NOP58: variants seen among roughly 807,000 people sequenced by gnomAD.
NOP58 encodes the protein NOP58 ribonucleoprotein.
Under a neutral mutation model 71.2 loss-of-function variants are expected in NOP58, and 44 were observed. The observed-to-expected ratio is 0.62, with a 90% confidence interval of 0.49 to 0.79. The LOEUF (loss-of-function observed/expected upper bound fraction) is 0.79, where lower values mean the gene tolerates loss of function less well. Among genes scored for constraint, NOP58 ranks in the 30% least tolerant of loss-of-function variants. The probability of loss-of-function intolerance (pLI) is 0.00; values close to 1 mark genes in which losing one functional copy is unlikely to be tolerated. For missense variants in NOP58, 538 were observed against 620.2 expected (o/e 0.87, Z 1.41); for synonymous variants, 228 against 200.3 (o/e 1.14, Z -1.17).
chr2:202,298,629 G>A (rs540861944), intron 12 of NOP58, among the ~76,000 whole-genome samples: 2 of 152,180 alleles, frequency 1.3e-5, no homozygotes, highest in Admixed American at 6.5e-5. Flanking sequence ...GCAAAACTCC[G>A]TCTCAAAAAA....
chr2:202,302,083 CT>C (rs71031885), intron 13 of NOP58, among the ~76,000 whole-genome samples: 5,935 of 90,558 alleles, frequency 0.066, 62 homozygotes, highest in African/African-American at 0.098. Flanking sequence ...TTTTTTTTTT[CT>C]TTTTTTTTTT....
intron 12 of NOP58, chr2:202,299,826 T>G (rs974643880): frequency 1.3e-5 from 2 of 154,824 alleles, no homozygotes; most frequent in African/African-American, 4.8e-5. Context: ...AAGCTTGGTT[T>G]AGATTTTTTG....
chr2:202,276,140 A>G (rs1462492815), intron 2 of NOP58, among the ~76,000 whole-genome samples: 2 of 151,858 alleles, frequency 1.3e-5, no homozygotes, highest in Non-Finnish European at 2.9e-5. Flanking sequence ...GGAGCTCGAG[A>G]CCAGCCTGGC....
intron 1 of NOP58, among the ~76,000 whole-genome samples, chr2:202,274,730 C>G (rs1295460252): frequency 6.6e-6 from 1 of 151,850 alleles, no homozygotes; most frequent in Non-Finnish European, 1.5e-5. Flanking sequence ...CCACTGCACT[C>G]CAGGCTGGGC....
At chr2:202,281,169 G>A (rs1247795821) in intron 3 of NOP58, among the ~76,000 whole-genome samples, 1 of 141,740 alleles carries the variant, frequency 7.1e-6, no homozygotes, top group Non-Finnish European at 1.5e-5. Flanking sequence ...TTTTGCTCTT[G>A]TCACTTAGGC....
At chr2:202,273,031 A>C (rs753300890) in intron 1 of NOP58, among the ~76,000 whole-genome samples, 1 of 152,214 alleles carries the variant, frequency 6.6e-6, no homozygotes. Context: ...AGGCTGAGGC[A>C]GGAGAATGAC....
intron 5 of NOP58, among the ~76,000 whole-genome samples, chr2:202,286,181 C>CA (rs1008544993): frequency 0.14 from 6,127 of 45,360 alleles, 448 homozygotes; most frequent in South Asian, 0.24. Flanking sequence ...GACTCCATCT[C>CA]AAAAAAAAAA....
chr2:202,297,338 C>T (rs1289883038), intron 10 of NOP58, 41 bp from the exon 11 acceptor site: 5 of 1,570,250 alleles, frequency 3.2e-6, no homozygotes, highest in South Asian at 2.3e-5. Context: ...GAGGATTTTA[C>T]ATCTGAACAT....
chr2:202,303,017 C>A lies in NOP58; in HGVS notation c.1499C>A (p.Pro500Gln), dbSNP rs772943647. Residue 500 changes from proline (P) to glutamine (Q), a missense_variant, in exon 14 of 15, where the codon CCA (proline) becomes CAA (glutamine). Physicochemically the swap from Pro to Gln is moderately conservative, Grantham distance 76. Coordinates refer to ENST00000264279, the MANE Select transcript of NOP58 (RefSeq NM_015934.5). ...AAAAAGAAACACATTAAGGAAGAAC[C>A]ACTTTCTGAGGAAGAACCATGTACC... is the stretch of plus-strand genomic sequence containing the variant. ...RGKKKHIKEE[P>Q]LSEEEPCTST... 1 of 1,612,662 alleles carries A rather than the reference C, an allele frequency of 6.2e-7. No homozygotes were observed. Among genetic ancestry groups the A allele is most frequent in the Non-Finnish European group, 8.5e-7 (1 of 1,179,822 alleles).
Position 202,303,472 on chromosome 2 carries a change from A to G in NOP58, c.*36A>G, listed in dbSNP as rs1689127418. On this transcript the variant is annotated 3_prime_UTR_variant, in exon 15 of 15. Coordinates refer to ENST00000264279, the MANE Select transcript of NOP58 (RefSeq NM_015934.5). ...TTACGATTATATCACCCGGACACACATCATGCTTAAGATTCAACTGGGAGC... is the reference window on the plus strand; with the variant it reads ...TTACGATTATATCACCCGGACACACGTCATGCTTAAGATTCAACTGGGAGC... 1.3e-6 allele frequency: 2 copies of G among 1,587,610 alleles called. No individual in the cohort carries two copies. The highest frequency in any genetic ancestry group is 2.3e-5 in the South Asian group (2 of 88,854).
chr2:202,298,049 G>A (rs1288005666), intron 12 of NOP58, 143 bp downstream of exon 12: 4 of 569,424 alleles, frequency 7.0e-6, no homozygotes, highest in Non-Finnish European at 1.2e-5. Context: ...TATGTTTATT[G>A]TGTGTATGTT....
In NOP58 at chr2:202,295,783, T is replaced by C. The variant is rs144367667; in HGVS notation, c.1017T>C (p.Gly339=). The C allele has an allele frequency of 6.2e-6, 10 of 1,609,734 alleles. No homozygotes were observed. In the African/African-American group the frequency reaches 1.3e-4, roughly 22 times the overall value. Residue 339 remains glycine (G), a synonymous_variant, in exon 10 of 15, where the codon GGT becomes GGC. Transcript: ENST00000264279. ...LKSRRDTPKY[G]LIYHASLVGQ... ...CTAGACGGGATACCCCTAAGTATGG[T>C]CTCATTTATCATGCTTCACTCGTGG...
At position 202,287,713 on chromosome 2, in the gene NOP58, T is replaced by G. The variant is rs1688816878; in HGVS notation, c.488T>G (p.Val163Gly). 6.2e-7 allele frequency: 1 copy of G among 1,611,010 alleles called. No individual in the cohort carries two copies. Among genetic ancestry groups the G allele is most frequent in the Non-Finnish European group, 8.5e-7 (1 of 1,177,280 alleles). Residue 163 changes from valine to glycine, a missense_variant, in exon 6 of 15, where the codon GTT becomes GGT. Physicochemically the swap from Val to Gly is moderately radical, Grantham distance 109. Transcript: ENST00000264279. ...FSADKVDTMI[V>G]QAISLLDDLD... is the part of the protein sequence containing the mutation. ...GCTGATAAAGTAGACACAATGATTG[T>G]TCAGGCAATTTGTAAGTATAGTACA...
At chr2:202,287,634 T>G (rs548825934) in intron 5 of NOP58, 26 bp from the exon 6 acceptor site, 2 of 1,576,528 alleles carry the variant, frequency 1.3e-6, no homozygotes, top group Admixed American at 3.3e-5. Context: ...GCTATCTTGC[T>G]AATTTATTTT....
chr2:202,282,184 AT>A (rs1319273599), intron 3 of NOP58, among the ~76,000 whole-genome samples, 166 bp from the exon 4 acceptor site: 7 of 152,354 alleles, frequency 4.6e-5, no homozygotes, highest in Admixed American at 1.3e-4. Context: ...ATCAAATGAA[AT>A]TGTGAAACAT....
rs752168529 is a variant in NOP58, at chr2:202,293,101, A to G, written c.907+198A>G. On this transcript the variant is annotated intron_variant, in intron 9 of 14. Coordinates refer to ENST00000264279, the MANE Select transcript of NOP58 (RefSeq NM_015934.5). The stretch of plus-strand genomic sequence containing the variant: ...TTGCCTGATTTCCTTTTGGATAATG[A>G]AGGCATCTTTAGTCACTACCTCTTC... 1.2e-5 allele frequency: 9 copies of G among 753,166 alleles called. No homozygotes were observed. In the African/African-American group the frequency reaches 1.5e-4, roughly 13 times the overall value. The allele number at this position is 753,166 out of a possible 1,614,324, so 46.7% of individuals were successfully genotyped here.
chr2:202,292,506 C>T (rs1039217881), intron 8 of NOP58, among the ~76,000 whole-genome samples: 48 of 151,762 alleles, frequency 3.2e-4, no homozygotes, highest in Non-Finnish European at 4.4e-5. Context: ...GGCGTGGTGG[C>T]GGGCCCCTGT....
intron 6 of NOP58, among the ~76,000 whole-genome samples, chr2:202,289,257 A>G (rs1688846442): frequency 6.6e-6 from 1 of 152,238 alleles, no homozygotes; most frequent in African/African-American, 2.4e-5. Flanking sequence ...AGTGGAAACA[A>G]CCCAGATACC....
At chr2:202,297,645 C>T in intron 11 of NOP58, 132 bp downstream of exon 11, 2 of 960,220 alleles carry the variant, frequency 2.1e-6, no homozygotes, top group Admixed American at 2.9e-5. Context: ...CTTTTTGTGC[C>T]TACTGTTAAC....
Sources: allele counts gnomAD v4.1 joint callset (sites outside exome capture counted in the v4.1 genomes callset), GRCh38; gene constraint gnomAD v4.1.1; transcripts MANE v1.5; gene names NCBI Gene and HGNC (gene_info 2026-07-23, HGNC 2026-07-21).